DYNLT2B: variants seen among roughly 807,000 people sequenced by gnomAD.
DYNLT2B encodes dynein light chain Tctex-type 2B, also known as dynein light chain Tctex-type protein 2B.
A neutral mutation model predicts 19.5 loss-of-function variants in DYNLT2B; 14 were observed. The observed-to-expected ratio is 0.72, with a 90% confidence interval of 0.47 to 1.12. DYNLT2B has a LOEUF of 1.12. DYNLT2B is among the 50% of genes most tolerant of loss of function. The probability of loss-of-function intolerance (pLI) is 0.00; values close to 1 mark genes in which losing one functional copy is unlikely to be tolerated. For missense variants in DYNLT2B, 133 were observed against 174.7 expected (o/e 0.76, Z 1.35); for synonymous variants, 70 against 59.7 (o/e 1.17, Z -0.79).
chr3:196,302,549 T>C (rs2108793002), intron 3 of DYNLT2B, among the ~76,000 whole-genome samples: 1 of 152,302 alleles, frequency 6.6e-6, no homozygotes, highest in East Asian at 1.9e-4. Flanking sequence ...AAGTATAAAA[T>C]ATCCATGAGT....
At chr3:196,299,690 G>C (rs1047613715) in intron 3 of DYNLT2B, among the ~76,000 whole-genome samples, 3 of 152,034 alleles carry the variant, frequency 2.0e-5, no homozygotes, top group Non-Finnish European at 4.4e-5. Context: ...CCAGCACTTT[G>C]GGAGGCTGAG....
At chr3:196,307,127 T>C in intron 2 of DYNLT2B, 115 bp from the exon 3 acceptor site, 1 of 852,566 alleles carries the variant, frequency 1.2e-6, no homozygotes, top group Non-Finnish European at 1.9e-6. Context: ...TTAATGAATA[T>C]GGTGGTAAGC....
At chr3:196,300,408 T>C (rs994419198) in intron 3 of DYNLT2B, among the ~76,000 whole-genome samples, 23 of 152,054 alleles carry the variant, frequency 1.5e-4, no homozygotes, top group African/African-American at 5.1e-4. Context: ...TCGAGGTTCT[T>C]GGTTGAAAGA....
intron 3 of DYNLT2B, among the ~76,000 whole-genome samples, chr3:196,301,427 C>T (rs1726349722): frequency 6.6e-6 from 1 of 152,028 alleles, no homozygotes; most frequent in Non-Finnish European, 1.5e-5. Context: ...AAAATAACTA[C>T]TGTGGCTGGG....
At chr3:196,315,476 T>C (rs1290649210) in intron 2 of DYNLT2B, among the ~76,000 whole-genome samples, 1 of 151,690 alleles carries the variant, frequency 6.6e-6, no homozygotes, top group Non-Finnish European at 1.5e-5. Flanking sequence ...TTAGCCAGGA[T>C]GGTCTCAATC....
rs1726089441 is a variant in DYNLT2B at position 196,291,339 on chromosome 3, A to T, written c.417T>A (p.Cys139Ter). The T allele has an allele frequency of 6.2e-7, 1 of 1,611,808 alleles. No individual in the cohort carries two copies. Among genetic ancestry groups the T allele is most frequent in the Non-Finnish European group, 8.5e-7 (1 of 1,179,198 alleles). The part of the protein sequence containing the change: ...SLFCVVAAFG[C>*]FYY ...TTCAAAGATTCATTCAGTAGTAGAA[A>T]CAGCCAAATGCTGCTACAACGCAGA... The change falls in exon 5 of 5, where the codon TGT becomes TGA. Residue 139 changes from cysteine (C) to a stop codon, truncating the protein, a stop_gained. Transcript: ENST00000325318. LOFTEE classifies it high-confidence loss of function.
chr3:196,293,206 G>T (rs1726136398), intron 4 of DYNLT2B, among the ~76,000 whole-genome samples: 1 of 152,194 alleles, frequency 6.6e-6, no homozygotes, highest in South Asian at 2.1e-4. Flanking sequence ...GCCCCCACTG[G>T]ATGTTAATAG....
chr3:196,315,297 C>CT, intron 2 of DYNLT2B: 1 of 400,412 alleles, frequency 2.5e-6, no homozygotes, highest in South Asian at 1.8e-5. Flanking sequence ...GAGTCTCACT[C>CT]TGTCACCCAG....
At chr3:196,305,175 C>T (rs185346800) in intron 3 of DYNLT2B, among the ~76,000 whole-genome samples, 11 of 152,070 alleles carry the variant, frequency 7.2e-5, no homozygotes, top group African/African-American at 2.2e-4. Context: ...TGAGCCACCA[C>T]GCCCGGCCCT....
chr3:196,298,428 C>T (rs1270246078), intron 3 of DYNLT2B, among the ~76,000 whole-genome samples: 3 of 151,960 alleles, frequency 2.0e-5, no homozygotes. Flanking sequence ...ATTCTCCTGC[C>T]TCAGCCTTCC....
intron 4 of DYNLT2B, among the ~76,000 whole-genome samples, 153 bp from the exon 5 acceptor site, chr3:196,291,527 G>A (rs925389808): frequency 6.6e-6 from 1 of 151,990 alleles, no homozygotes; most frequent in African/African-American, 2.4e-5. Flanking sequence ...CACCCAGGCT[G>A]GAGTGCAGTG....
chr3:196,307,949 C>T (rs1726536873), intron 2 of DYNLT2B, among the ~76,000 whole-genome samples: 1 of 151,666 alleles, frequency 6.6e-6, no homozygotes, highest in Non-Finnish European at 1.5e-5. Context: ...GGCATGGTGG[C>T]AGATCCCTGT....
rs34805282 is a variant in DYNLT2B, at chr3:196,295,183, A to ATGTG, written c.381+819_381+822dup. On this transcript the variant is annotated intron_variant, in intron 4 of 4. Coordinates refer to ENST00000325318, the MANE Select transcript of DYNLT2B (RefSeq NM_152773.5). ...TAATAACTTCAATGAAACCTCTTTT[A>ATGTG]TGTGTGTGTGTGTGTCACCCAGGCT... Among the ~76,000 whole-genome samples, 350 of 145,350 alleles carry ATGTG rather than the reference A, an allele frequency of 2.4e-3. 3 individuals carry two copies. The highest frequency in any genetic ancestry group is 5.9e-3 in the Admixed American group (85 of 14,410).
intron 3 of DYNLT2B, among the ~76,000 whole-genome samples, chr3:196,304,667 G>A (rs2108793869): frequency 6.6e-6 from 1 of 150,506 alleles, no homozygotes; most frequent in South Asian, 2.1e-4. Context: ...CTACAGCCTG[G>A]GAGACAAAAG....
chr3:196,302,645 C>G (rs1726383871), intron 3 of DYNLT2B, among the ~76,000 whole-genome samples: 1 of 152,126 alleles, frequency 6.6e-6, no homozygotes, highest in Non-Finnish European at 1.5e-5. Context: ...AGAATTTACG[C>G]AGATACGATG....
chr3:196,309,891 T>C (rs1227759193), intron 2 of DYNLT2B, among the ~76,000 whole-genome samples: 1 of 148,750 alleles, frequency 6.7e-6, no homozygotes, highest in East Asian at 2.0e-4. Flanking sequence ...GAGGTTAAGG[T>C]GAGCCAAGAT....
intron 4 of DYNLT2B, among the ~76,000 whole-genome samples, chr3:196,293,329 A>G (rs1219704802): frequency 1.3e-5 from 2 of 152,098 alleles, no homozygotes; most frequent in East Asian, 1.9e-4. Flanking sequence ...TGTATCATCT[A>G]AAGATGCATT....
intron 4 of DYNLT2B, among the ~76,000 whole-genome samples, chr3:196,291,635 T>C (rs1726098902): frequency 6.6e-6 from 1 of 152,166 alleles, no homozygotes; most frequent in Admixed American, 6.5e-5. Context: ...CCTGCCACCA[T>C]ACCAGGCTAA....
At chr3:196,298,736 G>A (rs1359783987) in intron 3 of DYNLT2B, among the ~76,000 whole-genome samples, 4 of 151,978 alleles carry the variant, frequency 2.6e-5, no homozygotes, top group African/African-American at 7.2e-5. Context: ...AGAAAGAGGT[G>A]AACTCTAGGA....
Sources: allele counts gnomAD v4.1 joint callset (sites outside exome capture counted in the v4.1 genomes callset), GRCh38; gene constraint gnomAD v4.1.1; transcripts MANE v1.5; gene names NCBI Gene and HGNC (gene_info 2026-07-23, HGNC 2026-07-21).